C8orf34: variants seen among roughly 807,000 people sequenced by gnomAD.
C8orf34 encodes chromosome 8 open reading frame 34, also known as uncharacterized protein C8orf34.
In C8orf34, 65 loss-of-function variants were observed where a neutral mutation model predicts 68.3. That is an observed-to-expected ratio of 0.95 (90% CI 0.78 to 1.17). C8orf34 has a LOEUF of 1.17. Ranked by LOEUF, C8orf34 falls within the 50% of genes most tolerant of loss-of-function variation. The pLI is 0.00. For missense variants in C8orf34, 664 were observed against 655.4 expected, an observed-to-expected ratio of 1.01 and a Z score of -0.14; for synonymous variants, 244 against 241.2, an observed-to-expected ratio of 1.01 and a Z score of -0.11.
At chr8:68,543,421 T>G (rs1815764192) in intron 7 of C8orf34, among the ~76,000 whole-genome samples, 1 of 152,206 alleles carries the variant, frequency 6.6e-6, no homozygotes, top group Non-Finnish European at 1.5e-5. Flanking sequence ...GATGTTTTAG[T>G]GATGTGCTTT....
intron 10 of C8orf34, among the ~76,000 whole-genome samples, chr8:68,753,063 C>T (rs1443583913): frequency 6.6e-6 from 1 of 152,108 alleles, no homozygotes; most frequent in African/African-American, 2.4e-5. Context: ...TCTTGTGAAG[C>T]TCTGTATTGC....
intron 1 of C8orf34, among the ~76,000 whole-genome samples, chr8:68,419,361 C>G (rs1327203710): frequency 1.3e-5 from 2 of 148,966 alleles, no homozygotes; most frequent in Admixed American, 6.6e-5. Context: ...GAAATAGGAA[C>G]ACTTTTACAC....
At chr8:68,439,464 A>G in intron 1 of C8orf34, 35 bp from the exon 2 acceptor site, 1 of 1,599,150 alleles carries the variant, frequency 6.3e-7, no homozygotes, top group Non-Finnish European at 8.5e-7. Context: ...TGCTGTTATT[A>G]TTAATTATAA....
At chr8:68,505,177 ACATCTTGGC>A (rs957016113) in intron 5 of C8orf34, among the ~76,000 whole-genome samples, 46 of 152,052 alleles carry the variant, frequency 3.0e-4, no homozygotes, top group African/African-American at 9.4e-4. Context: ...CAATTTCTTC[ACATCTTGGC>A]CATCATTTGT....
At chr8:68,366,435 G>A (rs748680803) in intron 1 of C8orf34, among the ~76,000 whole-genome samples, 3,893 of 135,994 alleles carry the variant, frequency 0.029, 214 homozygotes, top group African/African-American at 0.11. Flanking sequence ...AGCCCGCATC[G>A]CCAAGTCAAT....
At chr8:68,416,554 C>T (rs188553189) in intron 1 of C8orf34, among the ~76,000 whole-genome samples, 15 of 132,674 alleles carry the variant, frequency 1.1e-4, no homozygotes, top group East Asian at 6.1e-4. Context: ...TATTTAGAGA[C>T]GAAGTCTCTC....
At chr8:68,662,029 G>A (rs940774429) in intron 8 of C8orf34, among the ~76,000 whole-genome samples, 33 of 151,976 alleles carry the variant, frequency 2.2e-4, no homozygotes, top group African/African-American at 7.3e-4. Flanking sequence ...CAAATACCTG[G>A]GAGTCCCGCA....
intron 7 of C8orf34, among the ~76,000 whole-genome samples, chr8:68,613,211 T>C (rs1268443212): frequency 1.3e-5 from 2 of 152,146 alleles, no homozygotes; most frequent in African/African-American, 2.4e-5. Context: ...GAGGAGACAG[T>C]AATGGGAATT....
chr8:68,794,566 A>G lies in C8orf34; in HGVS notation c.1549+7030A>G, dbSNP rs1013201054. Among the ~76,000 whole-genome samples the G allele has an allele frequency of 6.4e-5, 9 of 140,302 alleles. No individual in the cohort carries two copies. In the East Asian group the frequency reaches 1.6e-3, roughly 25 times the overall value. 92.0% of individuals were successfully genotyped at this position (140,302 alleles called of 152,430 possible). On this transcript the variant is annotated intron_variant, in intron 12 of 13. Transcript: ENST00000518698. ...GTCACCCAGGCTGGACTGCAGTGGC[A>G]CAATCATAGCTCACTGCAGCCTCAA...
chr8:68,624,876 C>T (rs1434926), intron 7 of C8orf34, among the ~76,000 whole-genome samples: 49,091 of 151,298 alleles, frequency 0.32, 9,537 homozygotes, highest in Non-Finnish European at 0.43. Context: ...GTGGGGACCA[C>T]AGGCATGTGC....
At chr8:68,494,981 C>T (rs1412711052) in intron 5 of C8orf34, among the ~76,000 whole-genome samples, 1 of 151,368 alleles carries the variant, frequency 6.6e-6, no homozygotes, top group Non-Finnish European at 1.5e-5. Context: ...AACATCAGTA[C>T]ATTCACAGGA....
chr8:68,655,344 C>G (rs1466702831), intron 8 of C8orf34, among the ~76,000 whole-genome samples: 2 of 152,082 alleles, frequency 1.3e-5, no homozygotes, highest in African/African-American at 4.8e-5. Flanking sequence ...ATAAATCTCT[C>G]AGTTTTAGTA....
chr8:68,728,864 A>G (rs1821906276), intron 10 of C8orf34, among the ~76,000 whole-genome samples: 1 of 152,242 alleles, frequency 6.6e-6, no homozygotes, highest in Non-Finnish European at 1.5e-5. Flanking sequence ...GGAACAAATG[A>G]ATGGCTTTTA....
At chr8:68,548,017 G>C (rs377297331) in intron 7 of C8orf34, among the ~76,000 whole-genome samples, 1 of 151,700 alleles carries the variant, frequency 6.6e-6, no homozygotes, top group African/African-American at 2.4e-5. Context: ...AATGAACTTT[G>C]ACCCTCTACG....
At chr8:68,621,469 A>G (rs549265704) in intron 7 of C8orf34, among the ~76,000 whole-genome samples, 1 of 152,352 alleles carries the variant, frequency 6.6e-6, no homozygotes, top group South Asian at 2.1e-4. Flanking sequence ...TTCAGCCTTT[A>G]TAAATAATTT....
At chr8:68,766,613 A>T (rs1276360442) in intron 10 of C8orf34, among the ~76,000 whole-genome samples, 1 of 152,232 alleles carries the variant, frequency 6.6e-6, no homozygotes. Context: ...ATACCACTTT[A>T]TCTAGACCGA....
In C8orf34 at chr8:68,796,793, C is replaced by G. The variant is rs530246502; in HGVS notation, c.1549+9257C>G. Among the ~76,000 whole-genome samples the G allele has an allele frequency of 1.4e-3, 206 of 149,782 alleles. 1 individual carries two copies. The highest frequency in any genetic ancestry group is 4.8e-3 in the African/African-American group (196 of 40,784). Reference sequence around the variant, plus strand: ...GAGATCTGCATGACTTTGATTAGTTCAGCTTTTGAAAAATATATTTGAGTT... The same window carrying G: ...GAGATCTGCATGACTTTGATTAGTTGAGCTTTTGAAAAATATATTTGAGTT... On this transcript the variant is annotated intron_variant, in intron 12 of 13. Transcript: ENST00000518698.
chr8:68,514,858 A>G (rs867078673), intron 5 of C8orf34, among the ~76,000 whole-genome samples: 1 of 152,180 alleles, frequency 6.6e-6, no homozygotes, highest in Admixed American at 6.5e-5. Context: ...CAGAAACACA[A>G]TAAGAGAAAT....
intron 7 of C8orf34, among the ~76,000 whole-genome samples, chr8:68,636,422 A>G (rs1456571588): frequency 6.6e-6 from 1 of 151,932 alleles, no homozygotes; most frequent in African/African-American, 2.4e-5. Flanking sequence ...AAAAAAAAAA[A>G]AAAATACAAA....
Sources: allele counts gnomAD v4.1 joint callset (sites outside exome capture counted in the v4.1 genomes callset), GRCh38; gene constraint gnomAD v4.1.1; transcripts MANE v1.5; gene names NCBI Gene and HGNC (gene_info 2026-07-23, HGNC 2026-07-21).